Variants in TMEM132D observed in about 807,000 individuals in gnomAD.
TMEM132D encodes the protein mature OL transmembrane protein.
In TMEM132D, 21 loss-of-function variants were observed where a neutral mutation model predicts 62.3. That is an observed-to-expected ratio of 0.34 (90% CI 0.24 to 0.49). The LOEUF (loss-of-function observed/expected upper bound fraction) is 0.49, where lower values mean the gene tolerates loss of function less well. TMEM132D is among the 20% of genes least tolerant of loss of function. TMEM132D has a pLI of 0.99. For synonymous variants in TMEM132D, 621 were observed against 575.6 expected (o/e 1.08, Z -1.13); for missense variants, 1,346 against 1,402.8 (o/e 0.96, Z 0.65).
In TMEM132D at chr12:129,079,248, T is replaced by A. The variant is rs186220992; in HGVS notation, c.1924-523A>T. Among the ~76,000 whole-genome samples the A allele has an allele frequency of 4.2e-4, 64 of 152,314 alleles. No individual in the cohort carries two copies. In the East Asian group the frequency reaches 9.1e-3, roughly 22 times the overall value. On this transcript the variant is annotated intron_variant, in intron 7 of 8. Transcript: ENST00000422113. Reference sequence around the variant, plus strand: ...GGCGGATCCTGCTGGTCCATCTCAATCACGCGTGTCACTGGAGGCCACACT... The same window carrying A: ...GGCGGATCCTGCTGGTCCATCTCAAACACGCGTGTCACTGGAGGCCACACT...
intron 5 of TMEM132D, among the ~76,000 whole-genome samples, chr12:129,208,377 T>TA (rs1878919544): frequency 6.6e-6 from 1 of 152,148 alleles, no homozygotes; most frequent in Admixed American, 6.5e-5. Flanking sequence ...AATGAGTAGG[T>TA]AGGAGTGCTG....
At chr12:129,426,336 A>G (rs924460505) in intron 3 of TMEM132D, among the ~76,000 whole-genome samples, 2 of 152,352 alleles carry the variant, frequency 1.3e-5, no homozygotes, top group African/African-American at 4.8e-5. Context: ...CCTCTCCAGA[A>G]ACCGCTGGGG....
intron 3 of TMEM132D, among the ~76,000 whole-genome samples, chr12:129,489,285 C>A (rs1874686181): frequency 6.6e-6 from 1 of 152,120 alleles, no homozygotes; most frequent in South Asian, 2.1e-4. Flanking sequence ...GGCTCAGAGC[C>A]AATTTAGAAC....
At chr12:129,254,893 A>G (rs1880361726) in intron 4 of TMEM132D, among the ~76,000 whole-genome samples, 1 of 152,040 alleles carries the variant, frequency 6.6e-6, no homozygotes, top group Non-Finnish European at 1.5e-5. Context: ...TATGATTTGG[A>G]TCTGTGTCCC....
At chr12:129,345,650 G>C (rs1474643299) in intron 3 of TMEM132D, among the ~76,000 whole-genome samples, 1 of 152,142 alleles carries the variant, frequency 6.6e-6, no homozygotes, top group Non-Finnish European at 1.5e-5. Flanking sequence ...TGCTCATTCA[G>C]GATAAAAACC....
chr12:129,087,200 G>A (rs1406102389), intron 5 of TMEM132D, among the ~76,000 whole-genome samples: 1 of 152,016 alleles, frequency 6.6e-6, no homozygotes, highest in Non-Finnish European at 1.5e-5. Context: ...GACTTTTCCC[G>A]ACGTATAAGC....
At chr12:129,095,764 C>T (rs1875091867) in intron 5 of TMEM132D, among the ~76,000 whole-genome samples, 1 of 152,152 alleles carries the variant, frequency 6.6e-6, no homozygotes, top group Non-Finnish European at 1.5e-5. Context: ...CAGCTGCCCC[C>T]AGGCCAGGGA....
At chr12:129,472,722 T>C (rs1437046610) in intron 3 of TMEM132D, among the ~76,000 whole-genome samples, 1 of 152,232 alleles carries the variant, frequency 6.6e-6, no homozygotes, top group Non-Finnish European at 1.5e-5. Context: ...ACCTAGTTGA[T>C]AAAACAACAG....
At chr12:129,518,342 G>A (rs897345831) in intron 3 of TMEM132D, among the ~76,000 whole-genome samples, 29 of 152,154 alleles carry the variant, frequency 1.9e-4, no homozygotes, top group Middle Eastern at 3.4e-3. Context: ...ATTTTGTTTC[G>A]TTTGCCTTTG....
chr12:129,667,117 C>T (rs1880395978), intron 2 of TMEM132D, among the ~76,000 whole-genome samples: 1 of 152,094 alleles, frequency 6.6e-6, no homozygotes, highest in African/African-American at 2.4e-5. Flanking sequence ...GGAATCTGGG[C>T]CCATGTCCGA....
intron 5 of TMEM132D, among the ~76,000 whole-genome samples, chr12:129,169,787 T>C (rs1253745436): frequency 6.6e-6 from 1 of 152,218 alleles, no homozygotes; most frequent in Non-Finnish European, 1.5e-5. Context: ...GTGTATAACA[T>C]CTTCACATTT....
intron 2 of TMEM132D, among the ~76,000 whole-genome samples, chr12:129,644,272 G>C (rs141234145): frequency 1.3e-3 from 191 of 152,278 alleles, no homozygotes; most frequent in African/African-American, 4.1e-3. Flanking sequence ...CTTGGCAAAA[G>C]AAACTCTAAA....
At chr12:129,487,728 C>T (rs1874627959) in intron 3 of TMEM132D, among the ~76,000 whole-genome samples, 1 of 151,464 alleles carries the variant, frequency 6.6e-6, no homozygotes, top group Non-Finnish European at 1.5e-5. Context: ...GTCAGGAGAT[C>T]TCCTGAGACC....
chr12:129,734,335 T>G (rs553852182), intron 1 of TMEM132D, among the ~76,000 whole-genome samples: 3 of 152,240 alleles, frequency 2.0e-5, no homozygotes, highest in Non-Finnish European at 2.9e-5. Context: ...CAAAGTGACT[T>G]TCTGCTCCTT....
At chr12:129,622,404 T>C (rs1315798267) in intron 2 of TMEM132D, among the ~76,000 whole-genome samples, 1 of 152,148 alleles carries the variant, frequency 6.6e-6, no homozygotes, top group Non-Finnish European at 1.5e-5. Context: ...CTTGGATATC[T>C]AATATATAAT....
chr12:129,596,462 C>T (rs899862037), intron 2 of TMEM132D, among the ~76,000 whole-genome samples: 3 of 151,988 alleles, frequency 2.0e-5, no homozygotes, highest in African/African-American at 4.8e-5. Context: ...CCCTTGGTAT[C>T]GGTGGGGAAT....
intron 3 of TMEM132D, among the ~76,000 whole-genome samples, chr12:129,350,108 A>G (rs1405543255): frequency 1.3e-5 from 2 of 152,204 alleles, no homozygotes; most frequent in Non-Finnish European, 2.9e-5. Flanking sequence ...TTTTGAAATA[A>G]TGAATGGAAG....
intron 2 of TMEM132D, among the ~76,000 whole-genome samples, chr12:129,678,314 C>T (rs1431216376): frequency 2.6e-5 from 4 of 152,150 alleles, no homozygotes; most frequent in Non-Finnish European, 5.9e-5. Flanking sequence ...ACTTATCTTG[C>T]TATTATCAGA....
At chr12:129,824,815 G>A (rs778643224) in intron 1 of TMEM132D, among the ~76,000 whole-genome samples, 14 of 152,120 alleles carry the variant, frequency 9.2e-5, no homozygotes, top group Non-Finnish European at 1.9e-4. Context: ...TTGAAGGTCC[G>A]GATGGGTAAG....
Sources: allele counts gnomAD v4.1 joint callset (sites outside exome capture counted in the v4.1 genomes callset), GRCh38; gene constraint gnomAD v4.1.1; transcripts MANE v1.5; gene names NCBI Gene and HGNC (gene_info 2026-07-23, HGNC 2026-07-21).